TMEM117: variants seen among roughly 807,000 people sequenced by gnomAD.
The protein encoded by TMEM117 is transmembrane protein 117.
A neutral mutation model predicts 52.4 loss-of-function variants in TMEM117; 27 were observed. The ratio of observed to expected loss-of-function variants is 0.51; its 90% CI spans 0.38 to 0.71. The LOEUF (loss-of-function observed/expected upper bound fraction) is 0.71, where lower values mean the gene tolerates loss of function less well. TMEM117 is among the 30% of genes least tolerant of loss of function. The pLI, the probability that TMEM117 is intolerant of heterozygous loss-of-function variation, is 0.00. For missense variants in TMEM117, 556 were observed against 630.5 expected (o/e 0.88, Z 1.26); for synonymous variants, 215 against 206.3 (o/e 1.04, Z -0.36).
chr12:43,984,820 C>T (rs577219862), intron 3 of TMEM117, among the ~76,000 whole-genome samples: 3 of 152,020 alleles, frequency 2.0e-5, no homozygotes, highest in East Asian at 1.9e-4. Context: ...CAAAATGGAA[C>T]GTTTGTTTTA....
At chr12:44,090,478 C>G (rs956705629) in intron 3 of TMEM117, among the ~76,000 whole-genome samples, 5 of 150,308 alleles carry the variant, frequency 3.3e-5, no homozygotes, top group Non-Finnish European at 7.4e-5. Context: ...ACTCTGTCAC[C>G]CAGGTTGGAG....
At chr12:44,097,948 A>C (rs1185460635) in intron 3 of TMEM117, among the ~76,000 whole-genome samples, 1 of 152,022 alleles carries the variant, frequency 6.6e-6, no homozygotes, top group African/African-American at 2.4e-5. Context: ...TCAGATAGGT[A>C]TCTATAATGA....
chr12:43,989,786 C>A (rs1020561529), intron 3 of TMEM117, among the ~76,000 whole-genome samples: 1 of 151,878 alleles, frequency 6.6e-6, no homozygotes, highest in African/African-American at 2.4e-5. Context: ...TTAATTTATG[C>A]CTAAAATTTT....
chr12:43,812,104 A>T, the TMEM117 span, among the ~76,000 whole-genome samples: 1 of 152,214 alleles, frequency 6.6e-6, no homozygotes, highest in African/African-American at 2.4e-5. Context: ...TTAAGATTCT[A>T]TCTGTTGAGT....
intron 3 of TMEM117, among the ~76,000 whole-genome samples, chr12:44,038,474 C>A (rs574999958): frequency 6.6e-6 from 1 of 152,288 alleles, no homozygotes; most frequent in South Asian, 2.1e-4. Context: ...CATGGCTGTG[C>A]GCAGTGACTG....
chr12:43,915,053 A>G (rs1336663588), intron 2 of TMEM117, among the ~76,000 whole-genome samples: 1 of 152,240 alleles, frequency 6.6e-6, no homozygotes, highest in African/African-American at 2.4e-5. Flanking sequence ...CCTCATGGGA[A>G]AGCACTGATG....
the TMEM117 span, chr12:43,804,183 G>C: frequency 2.3e-6 from 1 of 435,504 alleles, no homozygotes; most frequent in Admixed American, 2.6e-5. Context: ...CACCTGTTTA[G>C]TGATTTCCAT....
intron 4 of TMEM117, among the ~76,000 whole-genome samples, chr12:44,209,223 T>C (rs1159499573): frequency 1.3e-5 from 2 of 152,084 alleles, no homozygotes; most frequent in East Asian, 1.9e-4. Flanking sequence ...GTATGTGAGA[T>C]TTAAATTTCT....
chr12:44,201,991 T>C (rs1949501895), intron 4 of TMEM117, among the ~76,000 whole-genome samples: 1 of 151,974 alleles, frequency 6.6e-6, no homozygotes, highest in Non-Finnish European at 1.5e-5. Context: ...ATGTGATATC[T>C]TTATATATAT....
intron 6 of TMEM117, among the ~76,000 whole-genome samples, chr12:44,361,336 C>G (rs1203823531): frequency 6.6e-6 from 1 of 152,148 alleles, no homozygotes; most frequent in Non-Finnish European, 1.5e-5. Flanking sequence ...GGTTAATTTA[C>G]TCATTCTCTC....
chr12:44,060,275 G>T (rs1294403355), intron 3 of TMEM117, among the ~76,000 whole-genome samples: 1 of 152,194 alleles, frequency 6.6e-6, no homozygotes, highest in Non-Finnish European at 1.5e-5. Flanking sequence ...AAGAGCAGGT[G>T]TTATAGCAAC....
rs56408139 is a variant in TMEM117, at chr12:43,935,050, C to T, written c.278-9160C>T. Reference sequence around the variant, plus strand: ...TGAGGCAAGGTCTCACTCTGTCACCCGGGCTGGAATGCAGTGGCATGATCA... The same window carrying T: ...TGAGGCAAGGTCTCACTCTGTCACCTGGGCTGGAATGCAGTGGCATGATCA... On this transcript the variant is annotated intron_variant, in intron 2 of 7. Transcript: ENST00000266534. 3.8e-4 allele frequency among the ~76,000 whole-genome samples: 58 copies of T among 152,094 alleles called. No homozygotes were observed. In the South Asian group the frequency reaches 5.0e-3, roughly 13 times the overall value.
intron 3 of TMEM117, among the ~76,000 whole-genome samples, chr12:44,095,037 G>T (rs1237387347): frequency 6.6e-6 from 1 of 151,994 alleles, no homozygotes; most frequent in Non-Finnish European, 1.5e-5. Flanking sequence ...TTTGTCAGGG[G>T]TGGGATCAGG....
intron 6 of TMEM117, among the ~76,000 whole-genome samples, chr12:44,311,805 GTATATATGTA>G (rs1177513410): frequency 4.0e-5 from 4 of 99,374 alleles, no homozygotes; most frequent in African/African-American, 2.0e-4. Context: ...ATGTATATAT[GTATATATGTA>G]TATATATGTA....
chr12:44,360,449 C>G (rs1951705563), intron 6 of TMEM117, among the ~76,000 whole-genome samples: 1 of 151,842 alleles, frequency 6.6e-6, no homozygotes, highest in African/African-American at 2.4e-5. Flanking sequence ...GTGGTGTAGT[C>G]CCAGCTACTC....
At chr12:44,118,078 TG>T in intron 3 of TMEM117, among the ~76,000 whole-genome samples, 1 of 152,206 alleles carries the variant, frequency 6.6e-6, no homozygotes, top group Middle Eastern at 3.4e-3. Flanking sequence ...GGAAGGAAAT[TG>T]GGGCAGTTGT....
At chr12:44,265,507 G>T (rs956717553) in intron 5 of TMEM117, among the ~76,000 whole-genome samples, 1 of 152,104 alleles carries the variant, frequency 6.6e-6, no homozygotes, top group Non-Finnish European at 1.5e-5. Context: ...GGTGAGAGAG[G>T]GCAGAGCTTT....
At chr12:44,386,341 C>T (rs867692832) in intron 7 of TMEM117, among the ~76,000 whole-genome samples, 23 of 152,102 alleles carry the variant, frequency 1.5e-4, no homozygotes, top group African/African-American at 5.3e-4. Context: ...TTAACAGCAC[C>T]AGACGCTATA....
chr12:43,835,300 A>G (rs1943009101), upstream of TMEM117, among the ~76,000 whole-genome samples: 1 of 152,236 alleles, frequency 6.6e-6, no homozygotes. Context: ...TAGGTATCAT[A>G]GAATGACAGG....
Sources: gnomAD v4.1 joint callset for allele counts (sites outside exome capture counted in the v4.1 genomes callset) on GRCh38, gnomAD v4.1.1 for gene constraint, MANE v1.5 for transcripts, NCBI Gene and HGNC (gene_info 2026-07-23, HGNC 2026-07-21) for gene names.